CNBD1: variants seen among roughly 807,000 people sequenced by gnomAD.
CNBD1 encodes the protein cyclic nucleotide-binding domain-containing protein 1.
CNBD1 carries 71 observed loss-of-function variants against 54.4 expected under a neutral mutation model. That is an observed-to-expected ratio of 1.30 (90% confidence interval 1.08 to 1.59). CNBD1 has a LOEUF of 1.59. Among genes scored for constraint, CNBD1 ranks in the 40% most tolerant of loss-of-function variants. The pLI, the probability that CNBD1 is intolerant of heterozygous loss-of-function variation, is 0.00. For missense variants in CNBD1, 659 were observed against 518.0 expected, an observed-to-expected ratio of 1.27 and a Z score of -2.64; for synonymous variants, 182 against 170.7, an observed-to-expected ratio of 1.07 and a Z score of -0.51.
chr8:86,987,705 T>A (rs1235624038), intron 4 of CNBD1, among the ~76,000 whole-genome samples: 1 of 152,186 alleles, frequency 6.6e-6, no homozygotes, highest in Non-Finnish European at 1.5e-5. Flanking sequence ...GGAGTTTGTA[T>A]CATAATGGAG....
chr8:87,261,593 G>T (rs1808141899), intron 6 of CNBD1, among the ~76,000 whole-genome samples: 2 of 151,740 alleles, frequency 1.3e-5, no homozygotes, highest in African/African-American at 4.8e-5. Flanking sequence ...GAAACAACTG[G>T]ATTGGTTACG....
intron 4 of CNBD1, among the ~76,000 whole-genome samples, chr8:87,009,970 T>G (rs2130558860): frequency 6.6e-6 from 1 of 152,334 alleles, no homozygotes; most frequent in Non-Finnish European, 1.5e-5. Flanking sequence ...TTGTCTTCTT[T>G]TTTTGAAATG....
At chr8:86,965,719 T>G (rs1213672705) in intron 4 of CNBD1, among the ~76,000 whole-genome samples, 1 of 152,124 alleles carries the variant, frequency 6.6e-6, no homozygotes, top group East Asian at 1.9e-4. Context: ...CCTGACTTCT[T>G]GTTCTGTATG....
chr8:87,425,765 T>A (rs1808035134), intron 2 of CNBD1, among the ~76,000 whole-genome samples: 1 of 151,970 alleles, frequency 6.6e-6, no homozygotes, highest in Admixed American at 6.5e-5. Flanking sequence ...GTTACTGCTG[T>A]CTTTTTGTTT....
chr8:87,355,596 A>T (rs1173535062), intron 10 of CNBD1, among the ~76,000 whole-genome samples: 2 of 152,202 alleles, frequency 1.3e-5, no homozygotes, highest in African/African-American at 2.4e-5. Context: ...TTGTAACATA[A>T]TAGGATATTA....
rs577098369 is a variant in CNBD1, at chr8:87,391,119, A to G, written c.213+37333A>G. Among the ~76,000 whole-genome samples the G allele has an allele frequency of 1.2e-4, 18 of 152,260 alleles. No homozygotes were observed. In the East Asian group the frequency reaches 3.3e-3, roughly 28 times the overall value. On this transcript the variant is annotated intron_variant, in intron 2 of 7. Coordinates refer to the CNBD1 transcript ENST00000521593. ...GGTGGGGGAAGGGGGGAGGGATAGC[A>G]TTAGGATATATACCTAATGTTAAAT...
At chr8:87,173,754 C>T (rs1483158124) in intron 4 of CNBD1, among the ~76,000 whole-genome samples, 3 of 150,470 alleles carry the variant, frequency 2.0e-5, no homozygotes, top group Non-Finnish European at 3.0e-5. Flanking sequence ...TCAGTAAAAT[C>T]TGCTTGGTGT....
At chr8:87,285,890 A>C (rs1808688188) in intron 7 of CNBD1, among the ~76,000 whole-genome samples, 1 of 152,190 alleles carries the variant, frequency 6.6e-6, no homozygotes, top group Non-Finnish European at 1.5e-5. Context: ...TAAATAAATA[A>C]AAAATAATGG....
At chr8:87,103,947 A>G (rs1811481500) in intron 4 of CNBD1, among the ~76,000 whole-genome samples, 1 of 152,206 alleles carries the variant, frequency 6.6e-6, no homozygotes, top group South Asian at 2.1e-4. Flanking sequence ...AAGGGAAATG[A>G]GAATTTAAAT....
chr8:87,425,351 G>A lies in CNBD1; in HGVS notation c.214-3195G>A, dbSNP rs201690270. 2.8e-3 allele frequency among the ~76,000 whole-genome samples: 419 copies of A among 152,230 alleles called. 11 individuals are homozygous for A. Among genetic ancestry groups the A allele is most frequent in the Admixed American group, 0.02 (303 of 15,288 alleles). On this transcript the variant is annotated intron_variant, in intron 2 of 7. Transcript: ENST00000521593. ...GTCATTCTCCGTCCAGCTTTGTTCCGTTGCTGGTGAGGAGCTGCGTTCCTT... is the reference window on the plus strand; with the variant it reads ...GTCATTCTCCGTCCAGCTTTGTTCCATTGCTGGTGAGGAGCTGCGTTCCTT...
chr8:87,022,900 G>C (rs777117981), intron 4 of CNBD1, among the ~76,000 whole-genome samples: 9 of 152,176 alleles, frequency 5.9e-5, no homozygotes, highest in Non-Finnish European at 1.2e-4. Context: ...TTCCAAATTT[G>C]AAAGAATGGA....
chr8:87,376,892 T>G lies in CNBD1; in HGVS notation c.1304-5728T>G, dbSNP rs144268900. ...ATTTTATAGATTAAAAATCAGAACC[T>G]TAGAAAGAAGAAATAATTTACTTGA... On this transcript the variant is annotated intron_variant, in intron 10 of 10. Transcript: ENST00000518476. Among the ~76,000 whole-genome samples the G allele has an allele frequency of 3.2e-3, 479 of 151,874 alleles. 2 individuals are homozygous for G. The highest frequency in any genetic ancestry group is 0.011 in the African/African-American group (452 of 41,510).
intron 5 of CNBD1, among the ~76,000 whole-genome samples, chr8:87,230,018 C>G (rs954096105): frequency 6.6e-6 from 1 of 151,968 alleles, no homozygotes; most frequent in Non-Finnish European, 1.5e-5. Context: ...AGCCATGATG[C>G]TGGCATCTGC....
At chr8:87,245,759 T>C (rs1017459751) in intron 6 of CNBD1, among the ~76,000 whole-genome samples, 4 of 152,072 alleles carry the variant, frequency 2.6e-5, no homozygotes, top group Non-Finnish European at 5.9e-5. Flanking sequence ...TATAAGACTT[T>C]TGATTATAGT....
intron 5 of CNBD1, 55 bp downstream of exon 5, chr8:87,206,193 G>C (rs973028963): frequency 1.5e-6 from 2 of 1,341,786 alleles, no homozygotes; most frequent in African/African-American, 1.5e-5. Flanking sequence ...CCACTGTTTC[G>C]AGTTCTTTAT....
chr8:87,418,201 TA>T (rs1298963394), intron 2 of CNBD1, among the ~76,000 whole-genome samples: 2 of 151,956 alleles, frequency 1.3e-5, no homozygotes, highest in Admixed American at 1.3e-4. Context: ...ACATATGGGC[TA>T]ATAGAATAAT....
intron 8 of CNBD1, among the ~76,000 whole-genome samples, chr8:87,346,226 A>G (rs1044929826): frequency 6.6e-6 from 1 of 152,030 alleles, no homozygotes; most frequent in South Asian, 2.1e-4. Flanking sequence ...TTTTTAGTAG[A>G]GATGGGGTTT....
At chr8:86,934,670 G>A (rs964603483) in intron 3 of CNBD1, among the ~76,000 whole-genome samples, 3 of 152,054 alleles carry the variant, frequency 2.0e-5, no homozygotes, top group African/African-American at 7.2e-5. Context: ...TTTGCTAACA[G>A]TTTGTATTAC....
rs183993938 is a variant in CNBD1, at chr8:87,164,595, A to T, written c.432-41398A>T. Among the ~76,000 whole-genome samples the T allele has an allele frequency of 1.6e-4, 24 of 151,832 alleles. No individual in the cohort carries two copies. In the East Asian group the frequency reaches 4.6e-3, roughly 29 times the overall value. On this transcript the variant is annotated intron_variant, in intron 4 of 10. Transcript: ENST00000518476. ...TTGTTGGCATATAATTGTTTACAGT[A>T]GTTTTTTTATGATCTTTTGTATTTC...
Sources: gnomAD v4.1 joint callset for allele counts (sites outside exome capture counted in the v4.1 genomes callset) on GRCh38, gnomAD v4.1.1 for gene constraint, MANE v1.5 for transcripts, NCBI Gene and HGNC (gene_info 2026-07-23, HGNC 2026-07-21) for gene names.